Variants in TMEM131 observed in about 807,000 individuals in gnomAD.
TMEM131 encodes the protein 2610524E03Rik.
A neutral mutation model predicts 211.6 loss-of-function variants in TMEM131; 66 were observed. The observed-to-expected ratio is 0.31, with a 90% CI of 0.26 to 0.38. TMEM131 has a LOEUF of 0.38. TMEM131 is among the 10% of genes least tolerant of loss of function. The pLI, the probability that TMEM131 is intolerant of heterozygous loss-of-function variation, is 1.00. For missense variants in TMEM131, 2,036 were observed against 2,299.3 expected (o/e 0.89, Z 2.34); for synonymous variants, 844 against 841.3 (o/e 1.00, Z -0.06).
At chr2:97,988,315 T>C (rs1432789956) in intron 1 of TMEM131, among the ~76,000 whole-genome samples, 1 of 152,168 alleles carries the variant, frequency 6.6e-6, no homozygotes, top group African/African-American at 2.4e-5. Context: ...TAACTCAAAA[T>C]GGGTTAAAGA....
chr2:97,995,805 C>T lies in TMEM131; in HGVS notation c.-143G>A, dbSNP rs942527628. The T allele has an allele frequency of 4.8e-6, 2 of 413,124 alleles. No homozygotes were observed. The highest frequency in any genetic ancestry group is 2.1e-5 in the African/African-American group (1 of 47,120). 25.6% of individuals were successfully genotyped at this position (413,124 alleles called of 1,614,324 possible). ...GCGAGCCCGGGGCTCGATCTCCGAG[C>T]GTGGGCCTGGGTCCGTGCGTGCGTG... On this transcript the variant is annotated 5_prime_UTR_variant, in exon 1 of 41. Coordinates refer to ENST00000186436, the MANE Select transcript of TMEM131 (RefSeq NM_015348.2).
intron 33 of TMEM131, among the ~76,000 whole-genome samples, chr2:97,772,011 T>C (rs1204678810): frequency 1.3e-5 from 2 of 152,240 alleles, no homozygotes; most frequent in Non-Finnish European, 2.9e-5. Context: ...GATCTCAGCC[T>C]GGGACTGAAT....
At chr2:97,782,747 A>ATTTGTT (rs1680069507) in intron 31 of TMEM131, among the ~76,000 whole-genome samples, 3 of 152,190 alleles carry the variant, frequency 2.0e-5, no homozygotes, top group Admixed American at 2.0e-4. Context: ...GAGACAGGAA[A>ATTTGTT]TAATCAGTAA....
At chr2:97,806,387 G>A (rs1485682279) in intron 19 of TMEM131, among the ~76,000 whole-genome samples, 3 of 151,968 alleles carry the variant, frequency 2.0e-5, no homozygotes, top group Non-Finnish European at 2.9e-5. Flanking sequence ...AAATACACAC[G>A]AAAAATTAGC....
chr2:97,834,451 G>A (rs1481677575), intron 10 of TMEM131, among the ~76,000 whole-genome samples, 170 bp downstream of exon 10: 1 of 152,000 alleles, frequency 6.6e-6, no homozygotes, highest in African/African-American at 2.4e-5. Context: ...GCGGAATGGG[G>A]TATAAACCTG....
intron 30 of TMEM131, 94 bp downstream of exon 30, chr2:97,793,301 C>T: frequency 2.2e-6 from 3 of 1,357,240 alleles, no homozygotes; most frequent in African/African-American, 1.5e-5. Flanking sequence ...TTTTTTTCTC[C>T]TGAGCAAAGA....
chr2:97,982,339 A>G, intron 1 of TMEM131, among the ~76,000 whole-genome samples: 1 of 152,058 alleles, frequency 6.6e-6, no homozygotes, highest in Admixed American at 6.5e-5. Context: ...GCCTATTCAG[A>G]TCCCCTGCCC....
Position 97,927,478 on chromosome 2 carries a change from T to A in TMEM131, c.197A>T (p.Gln66Leu). 1 of 1,578,520 alleles carries A rather than the reference T, an allele frequency of 6.3e-7. No homozygotes were observed. Among genetic ancestry groups the A allele is most frequent in the Middle Eastern group, 1.7e-4 (1 of 5,958 alleles). ...AARAEKEAFV[Q>L]SESIIEVLRF... ...CAGTACTTCTATTATGCTCTCTGAC[T>A]GAACGAATGCTGTGAAGAAAACAAA... Residue 66 changes from glutamine (Q) to leucine (L), a missense_variant, in exon 2 of 41, where the codon CAG (glutamine) becomes CTG (leucine). Gln to Leu is a moderately radical substitution (Grantham distance 113, BLOSUM62 -2). Coordinates refer to ENST00000186436, the MANE Select transcript of TMEM131 (RefSeq NM_015348.2).
At chr2:97,793,147 A>T (rs549446597) in intron 30 of TMEM131, 163 bp from the exon 31 acceptor site, 2 of 652,234 alleles carry the variant, frequency 3.1e-6, no homozygotes, top group South Asian at 4.3e-5. Context: ...CATCTGTTCT[A>T]TCTGAACATT....
intron 1 of TMEM131, among the ~76,000 whole-genome samples, chr2:97,948,907 T>G (rs1678173459): frequency 6.6e-6 from 1 of 152,148 alleles, no homozygotes; most frequent in Admixed American, 6.5e-5. Flanking sequence ...TCTGCCCGTC[T>G]CGGCCTCCCA....
intron 31 of TMEM131, among the ~76,000 whole-genome samples, chr2:97,784,422 A>T (rs1355572743): frequency 6.6e-6 from 1 of 152,134 alleles, no homozygotes; most frequent in African/African-American, 2.4e-5. Context: ...ACTAAAGTGG[A>T]TTCAAAGTAG....
intron 1 of TMEM131, among the ~76,000 whole-genome samples, chr2:97,928,738 C>T (rs1480594211): frequency 6.6e-6 from 1 of 151,702 alleles, no homozygotes; most frequent in East Asian, 1.9e-4. Context: ...TATACATGTA[C>T]ACTGAAATCG....
intron 33 of TMEM131, among the ~76,000 whole-genome samples, chr2:97,767,504 C>T (rs1237333388): frequency 1.3e-5 from 2 of 152,078 alleles, no homozygotes; most frequent in Non-Finnish European, 2.9e-5. Context: ...CCGGAAGGAG[C>T]TCAGCTAATG....
chr2:97,915,169 TC>T (rs1676458391), intron 2 of TMEM131, among the ~76,000 whole-genome samples: 1 of 152,072 alleles, frequency 6.6e-6, no homozygotes, highest in South Asian at 2.1e-4. Context: ...TCATCTCTTT[TC>T]CCTGTTTCCT....
intron 2 of TMEM131, among the ~76,000 whole-genome samples, chr2:97,917,947 CTTTT>C (rs1239831659): frequency 6.8e-6 from 1 of 146,052 alleles, no homozygotes; most frequent in African/African-American, 2.5e-5. Flanking sequence ...TTTTTTCTCT[CTTTT>C]TTTTTTTTTT....
chr2:97,845,568 G>A (rs897226367), intron 5 of TMEM131, among the ~76,000 whole-genome samples: 1 of 152,138 alleles, frequency 6.6e-6, no homozygotes, highest in African/African-American at 2.4e-5. Flanking sequence ...ATTAAAATCT[G>A]TAGGCTGCAG....
chr2:97,928,240 C>T (rs1203248688), intron 1 of TMEM131, among the ~76,000 whole-genome samples: 1 of 152,162 alleles, frequency 6.6e-6, no homozygotes, highest in African/African-American at 2.4e-5. Flanking sequence ...AGGCTACATA[C>T]TGTATGCTTC....
At chr2:97,808,752 G>A (rs571842777) in intron 19 of TMEM131, among the ~76,000 whole-genome samples, 3 of 152,250 alleles carry the variant, frequency 2.0e-5, no homozygotes, top group South Asian at 2.1e-4. Flanking sequence ...AGCACAATAC[G>A]AGGCTTGCAG....
At chr2:97,893,144 T>C (rs998898113) in intron 3 of TMEM131, among the ~76,000 whole-genome samples, 2 of 152,226 alleles carry the variant, frequency 1.3e-5, no homozygotes, top group East Asian at 1.9e-4. Context: ...ATGAGGTGTT[T>C]GGTTTTCTGT....
Sources: allele counts gnomAD v4.1 joint callset (sites outside exome capture counted in the v4.1 genomes callset), GRCh38; gene constraint gnomAD v4.1.1; transcripts MANE v1.5; gene names NCBI Gene and HGNC (gene_info 2026-07-23, HGNC 2026-07-21).